Variants in ZNF594 observed in about 807,000 individuals in gnomAD.
The protein encoded by ZNF594 is zinc finger protein 594.
For synonymous variants in ZNF594, 336 were observed against 309.4 expected, an observed-to-expected ratio of 1.09 and a Z score of -0.90; for missense variants, 1,037 against 964.6, an observed-to-expected ratio of 1.08 and a Z score of -0.99.
At chr17:5,176,175 C>A (rs1430732169), downstream of ZNF594, among the ~76,000 whole-genome samples, 1 of 152,174 alleles carries the variant, frequency 6.6e-6, no homozygotes, top group African/African-American at 2.4e-5. Context: ...GCAGGCGGAT[C>A]ACCTAAGGTT....
Position 5,183,600 on chromosome 17 carries a change from A to T in ZNF594, c.657T>A (p.Ala219=). 1 of 1,614,184 alleles carries T rather than the reference A, an allele frequency of 6.2e-7. No individual in the cohort carries two copies. Among genetic ancestry groups the T allele is most frequent in the Non-Finnish European group, 8.5e-7 (1 of 1,180,026 alleles). The change falls in exon 2 of 2, where the codon GCT becomes GCA. Residue 219 remains alanine, a synonymous_variant. Coordinates refer to ENST00000575779, the MANE Select transcript of ZNF594 (RefSeq NM_032530.2). ...GGACAAGGTTTGAGCTTCCCTTAAAAGCCTTCCCACACTCTTTGCACTCAT... is the reference window on the plus strand; with the variant it reads ...GGACAAGGTTTGAGCTTCCCTTAAATGCCTTCCCACACTCTTTGCACTCAT... ...NPYECKECGK[A]FKGSSNLVLH...
At chr17:5,178,754 AACAAGAT>A (rs2074320724), downstream of ZNF594, among the ~76,000 whole-genome samples, 1 of 152,216 alleles carries the variant, frequency 6.6e-6, no homozygotes, top group Non-Finnish European at 1.5e-5. Context: ...TAAACCAGGT[AACAAGAT>A]ACAAAATCAA....
chr17:5,182,288 A>C lies in ZNF594; in HGVS notation c.1969T>G (p.Cys657Gly). The change falls in exon 2 of 2, where the codon TGT (cysteine) becomes GGT (glycine). Residue 657 changes from cysteine to glycine, a missense_variant. Transcript: ENST00000575779. ...GACCTCTGGCTGAAGGCTTTCCCAC[A>C]TTCACTACATTCATAGGGTTTCTCT... is the stretch of plus-strand genomic sequence containing the variant. ...TGEKPYECSE[C>G]GKAFSQRSHL... 6.2e-7 allele frequency: 1 copy of C among 1,613,528 alleles called. No individual in the cohort carries two copies. Among genetic ancestry groups the C allele is most frequent in the Non-Finnish European group, 8.5e-7 (1 of 1,179,940 alleles).
At chr17:5,187,470 T>C (rs2074392886) in intron 1 of ZNF594, among the ~76,000 whole-genome samples, 1 of 152,222 alleles carries the variant, frequency 6.6e-6, no homozygotes, top group Non-Finnish European at 1.5e-5. Flanking sequence ...AACACATTTC[T>C]GAGCTCCTTG....
At chr17:5,178,830 C>T (rs535362383), downstream of ZNF594, among the ~76,000 whole-genome samples, 12 of 152,210 alleles carry the variant, frequency 7.9e-5, no homozygotes, top group Middle Eastern at 6.8e-3. Context: ...AATAAAATTA[C>T]GGTACAATGA....
At position 5,183,917 on chromosome 17, in the gene ZNF594, A is replaced by C; in HGVS notation, c.340T>G (p.Leu114Val). Residue 114 changes from leucine to valine, a missense_variant, in exon 2 of 2, where the codon TTA (leucine) becomes GTA (valine). Leu to Val is a conservative substitution (Grantham distance 32). Transcript: ENST00000575779. ...TTATGAATTTTCTGATGTTCAGTTA[A>C]TCCTGACTTCTGTTTGAAGTTTTGG... ...SGQNFKQKSG[L>V]TEHQKIHNIN... 6.2e-7 allele frequency: 1 copy of C among 1,613,796 alleles called. No individual in the cohort carries two copies. Among genetic ancestry groups the C allele is most frequent in the Non-Finnish European group, 8.5e-7 (1 of 1,180,006 alleles).
At chr17:5,187,968 C>T (rs1393975273) in intron 1 of ZNF594, among the ~76,000 whole-genome samples, 6 of 149,986 alleles carry the variant, frequency 4.0e-5, no homozygotes, top group Admixed American at 4.0e-4. Flanking sequence ...GGCCATCCTG[C>T]CCTGGACTCC....
At position 5,182,035 on chromosome 17, in the gene ZNF594, G is replaced by C. The variant is rs2074345824; in HGVS notation, c.2222C>G (p.Thr741Ser). The change falls in exon 2 of 2, where the codon ACC (threonine) becomes AGC (serine). Residue 741 changes from threonine (T) to serine (S), a missense_variant. By Grantham distance (58) the Thr-to-Ser change is moderately conservative (BLOSUM62 1). Transcript: ENST00000575779. ...AGEKLEECEK[T>S]FSKDEELRKE... ...TCTAAGCTCCTCATCCTTGCTGAAG[G>C]TTTTCTCACATTCTTCAAGTTTCTC... is the stretch of plus-strand genomic sequence containing the variant. 1 of 1,613,330 alleles carries C rather than the reference G, an allele frequency of 6.2e-7. No individual in the cohort carries two copies. The highest frequency in any genetic ancestry group is 8.5e-7 in the Non-Finnish European group (1 of 1,179,976).
At chr17:5,185,385 C>T (rs1267246553) in intron 1 of ZNF594, among the ~76,000 whole-genome samples, 5 of 152,182 alleles carry the variant, frequency 3.3e-5, no homozygotes, top group East Asian at 3.8e-4. Flanking sequence ...GACTTATTCA[C>T]TACCATGAGA....
At chr17:5,184,474 CCAGGGTG>C in intron 1 of ZNF594, 198 bp from the exon 2 acceptor site, 1 of 578,568 alleles carries the variant, frequency 1.7e-6, no homozygotes, top group Non-Finnish European at 2.9e-6. Context: ...AAAAAACCCG[CCAGGGTG>C]CAGGCTGGAG....
At chr17:5,177,387 C>G (rs1174496293), downstream of ZNF594, among the ~76,000 whole-genome samples, 2 of 152,016 alleles carry the variant, frequency 1.3e-5, no homozygotes, top group African/African-American at 4.8e-5. Context: ...AGTTTGACAA[C>G]AGAGATTCAA....
chr17:5,184,167 C>T lies in ZNF594; in HGVS notation c.90G>A (p.Gln30=), dbSNP rs749425408. 1.2e-6 allele frequency: 2 copies of T among 1,614,182 alleles called. No individual in the cohort carries two copies. The highest frequency in any genetic ancestry group is 4.5e-5 in the East Asian group (2 of 44,886). ...ASEKLQRQIT[Q]ECELVETSNS... ...TACTGGTTTCAACTAACTCACATTC[C>T]TGGGTGATTTGTCTTTGGAGTTTTT... Residue 30 remains glutamine (Q), a synonymous_variant, in exon 2 of 2, where the codon CAG becomes CAA. Transcript: ENST00000575779.
In ZNF594 at chr17:5,183,995, C is replaced by T. The variant is rs756825674; in HGVS notation, c.262G>A (p.Gly88Arg). ...VGEIGHGCNEGEKILSAGESS... is the reference protein window; with the variant it reads ...VGEIGHGCNEREKILSAGESS... Reference sequence around the variant, plus strand: ...TCTCCTGCAGAAAGTATTTTTTCTCCTTCATTACATCCATGGCCAATCTCT... The same window carrying T: ...TCTCCTGCAGAAAGTATTTTTTCTCTTTCATTACATCCATGGCCAATCTCT... The change falls in exon 2 of 2, where the codon GGA becomes AGA. Residue 88 changes from glycine to arginine, a missense_variant. By Grantham distance (125) the Gly-to-Arg change is moderately radical (BLOSUM62 -2). Transcript: ENST00000575779. 47 of 1,613,980 alleles carry T rather than the reference C, an allele frequency of 2.9e-5. No homozygotes were observed. The highest frequency in any genetic ancestry group is 3.7e-5 in the Non-Finnish European group (44 of 1,180,026).
At position 5,190,679 on chromosome 17, in the gene ZNF594, G is replaced by T. The variant is rs116219581; in HGVS notation, c.-21+1069C>A. ...GGCAATCCGGGAAGGCTTCCCAAAA[G>T]AAATGACTTTTGAAGTGTGATACCC... On this transcript the variant is annotated intron_variant, in intron 1 of 1. Transcript: ENST00000575779. Among the ~76,000 whole-genome samples, 1,134 of 152,268 alleles carry T rather than the reference G, an allele frequency of 7.4e-3. 20 individuals carry two copies. Among genetic ancestry groups the T allele is most frequent in the African/African-American group, 0.025 (1,049 of 41,546 alleles).
chr17:5,181,286 G>T lies in ZNF594; in HGVS notation c.*547C>A. On this transcript the variant is annotated 3_prime_UTR_variant, in exon 2 of 2. Coordinates refer to ENST00000575779, the MANE Select transcript of ZNF594 (RefSeq NM_032530.2). ...GTCTCAGAAGGTCTGAGCTCTGATT[G>T]AAAGTTTTCCCACATTCTTTACATT... The T allele has an allele frequency of 2.5e-6, 4 of 1,612,338 alleles. No homozygotes were observed. The highest frequency in any genetic ancestry group is 1.3e-5 in the African/African-American group (1 of 74,838).
At position 5,183,918 on chromosome 17, in the gene ZNF594, T is replaced by C; in HGVS notation, c.339A>G (p.Gly113=). ...VSGQNFKQKS[G]LTEHQKIHNI... ...TATGAATTTTCTGATGTTCAGTTAA[T>C]CCTGACTTCTGTTTGAAGTTTTGGC... Residue 113 remains glycine, a synonymous_variant, in exon 2 of 2, where the codon GGA becomes GGG. Coordinates refer to ENST00000575779, the MANE Select transcript of ZNF594 (RefSeq NM_032530.2). The C allele has an allele frequency of 1.2e-6, 2 of 1,613,874 alleles. No homozygotes were observed. The highest frequency in any genetic ancestry group is 1.7e-6 in the Non-Finnish European group (2 of 1,180,012).
chr17:5,185,051 T>C (rs145672996), intron 1 of ZNF594, among the ~76,000 whole-genome samples: 12 of 152,372 alleles, frequency 7.9e-5, no homozygotes, highest in Non-Finnish European at 1.8e-4. Context: ...TTTTTCTTTC[T>C]GATATTCTGA....
At chr17:5,189,140 C>T (rs1348907408) in intron 1 of ZNF594, among the ~76,000 whole-genome samples, 1 of 151,832 alleles carries the variant, frequency 6.6e-6, no homozygotes, top group Non-Finnish European at 1.5e-5. Context: ...GCAATGGGGC[C>T]TCAGTATACT....
At position 5,181,655 on chromosome 17, in the gene ZNF594, A is replaced by C. The variant is rs1301365061; in HGVS notation, c.*178T>G. 3 of 1,582,758 alleles carry C rather than the reference A, an allele frequency of 1.9e-6. No homozygotes were observed. The highest frequency in any genetic ancestry group is 2.6e-6 in the Non-Finnish European group (3 of 1,151,622). ...CAGTGCACTGATAGGGCTTCTCTCC[A>C]GTGTGGATTTTCTGGTGTGTGACAA... is the stretch of plus-strand genomic sequence containing the variant. On this transcript the variant is annotated 3_prime_UTR_variant, in exon 2 of 2. Coordinates refer to ENST00000575779, the MANE Select transcript of ZNF594 (RefSeq NM_032530.2).
Sources: gnomAD v4.1 joint callset for allele counts (sites outside exome capture counted in the v4.1 genomes callset) on GRCh38, gnomAD v4.1.1 for gene constraint, MANE v1.5 for transcripts, NCBI Gene and HGNC (gene_info 2026-07-23, HGNC 2026-07-21) for gene names.